Variants in HS6ST3 observed in about 807,000 individuals in gnomAD.
The protein encoded by HS6ST3 is heparan-sulfate 6-O-sulfotransferase 3.
HS6ST3 carries 12 observed loss-of-function variants against 36.7 expected under a neutral mutation model. The ratio of observed to expected loss-of-function variants is 0.33; its 90% CI spans 0.21 to 0.53. The LOEUF is 0.53. Among genes scored for constraint, HS6ST3 ranks in the 20% least tolerant of loss-of-function variants. The pLI is 0.95. For missense variants in HS6ST3, 584 were observed against 640.9 expected (o/e 0.91, Z 0.96); for synonymous variants, 240 against 257.5 (o/e 0.93, Z 0.65).
At chr13:96,677,770 T>G (rs1418522329) in intron 1 of HS6ST3, among the ~76,000 whole-genome samples, 4 of 152,184 alleles carry the variant, frequency 2.6e-5, no homozygotes, top group Non-Finnish European at 4.4e-5. Flanking sequence ...TCTCTTTCTC[T>G]CCTCTAGAAT....
intron 1 of HS6ST3, among the ~76,000 whole-genome samples, chr13:96,700,212 A>G (rs550872264): frequency 6.6e-6 from 1 of 152,072 alleles, no homozygotes; most frequent in East Asian, 2.0e-4. Context: ...AGGCCCCACA[A>G]TCATGGCGGA....
intron 1 of HS6ST3, among the ~76,000 whole-genome samples, chr13:96,728,969 G>A (rs1876074842): frequency 6.6e-6 from 1 of 152,214 alleles, no homozygotes; most frequent in Non-Finnish European, 1.5e-5. Flanking sequence ...ATCTTTAGGT[G>A]AGTGATATGT....
At chr13:96,370,727 C>A (rs2055285547) in intron 1 of HS6ST3, among the ~76,000 whole-genome samples, 1 of 152,114 alleles carries the variant, frequency 6.6e-6, no homozygotes, top group Non-Finnish European at 1.5e-5. Context: ...GCCTGGCCAA[C>A]ATGGCGAAAC....
Position 96,596,224 on chromosome 13 carries a change from C to T in HS6ST3, c.708-236266C>T, listed in dbSNP as rs189571409. On this transcript the variant is annotated intron_variant, in intron 1 of 1. Coordinates refer to ENST00000376705, the MANE Select transcript of HS6ST3 (RefSeq NM_153456.4). ...TTGGATTTCCATTTCTGAGTTACTT[C>T]ACCTAGGATAATGGCCTCCAGCTCC... 2.9e-3 allele frequency among the ~76,000 whole-genome samples: 448 copies of T among 152,256 alleles called. 3 individuals carry two copies. The highest frequency in any genetic ancestry group is 0.018 in the South Asian group (85 of 4,820).
chr13:96,595,277 C>T (rs2056397383), intron 1 of HS6ST3, among the ~76,000 whole-genome samples: 1 of 152,074 alleles, frequency 6.6e-6, no homozygotes, highest in Admixed American at 6.6e-5. Context: ...AAACTCCTGG[C>T]CTCAAGTAAT....
chr13:96,493,688 T>C (rs1357732127), intron 1 of HS6ST3, among the ~76,000 whole-genome samples: 7 of 152,234 alleles, frequency 4.6e-5, no homozygotes, highest in African/African-American at 1.4e-4. Flanking sequence ...GTTGTAGTAT[T>C]GCTTTGCCAA....
At chr13:96,091,713 G>A in intron 1 of HS6ST3, 144 bp downstream of exon 1, 1 of 1,155,994 alleles carries the variant, frequency 8.7e-7, no homozygotes, top group Admixed American at 2.8e-5. Context: ...CTTTGGGGAG[G>A]GATGAGAAAC....
At chr13:96,603,103 T>A (rs945126196) in intron 1 of HS6ST3, among the ~76,000 whole-genome samples, 6 of 152,182 alleles carry the variant, frequency 3.9e-5, no homozygotes, top group African/African-American at 1.4e-4. Context: ...CATCTTACTC[T>A]GCCATTTTGC....
chr13:96,132,211 T>G (rs1289512093), intron 1 of HS6ST3, among the ~76,000 whole-genome samples: 1 of 151,570 alleles, frequency 6.6e-6, no homozygotes, highest in East Asian at 1.9e-4. Flanking sequence ...TTGATAGACA[T>G]GTGGGTTAAT....
chr13:96,229,050 A>G (rs1019100738), intron 1 of HS6ST3, among the ~76,000 whole-genome samples: 4 of 152,210 alleles, frequency 2.6e-5, no homozygotes, highest in Non-Finnish European at 4.4e-5. Flanking sequence ...TCAAGTTATC[A>G]TAAGGGAGCC....
intron 1 of HS6ST3, among the ~76,000 whole-genome samples, chr13:96,538,050 G>C (rs1355896801): frequency 6.6e-6 from 1 of 152,146 alleles, no homozygotes; most frequent in African/African-American, 2.4e-5. Context: ...ACCTATAATG[G>C]ATGCAAATAA....
Position 96,229,798 on chromosome 13 carries a change from C to G in HS6ST3, c.707+138229C>G, listed in dbSNP as rs532941084. On this transcript the variant is annotated intron_variant, in intron 1 of 1. Coordinates refer to ENST00000376705, the MANE Select transcript of HS6ST3 (RefSeq NM_153456.4). ...AGGGGGAGACCCCCCCCTTTAGGCT[C>G]TTAGTATTACAGAGTGATACATGAT... Among the ~76,000 whole-genome samples the G allele has an allele frequency of 4.6e-5, 7 of 152,156 alleles. 1 individual carries two copies. The highest frequency in any genetic ancestry group is 3.4e-3 in the Middle Eastern group (1 of 294).
At chr13:96,093,915 A>C (rs573643555) in intron 1 of HS6ST3, among the ~76,000 whole-genome samples, 22 of 152,328 alleles carry the variant, frequency 1.4e-4, no homozygotes, top group Admixed American at 6.5e-4. Flanking sequence ...CTATTGGTAC[A>C]TAATGGGAAC....
chr13:96,793,832 A>G (rs2138522166), intron 1 of HS6ST3, among the ~76,000 whole-genome samples: 1 of 152,140 alleles, frequency 6.6e-6, no homozygotes, highest in Middle Eastern at 3.4e-3. Flanking sequence ...GTATACAATC[A>G]ATTCTCAGAA....
chr13:96,410,222 A>G (rs2055500542), intron 1 of HS6ST3, among the ~76,000 whole-genome samples: 1 of 152,180 alleles, frequency 6.6e-6, no homozygotes, highest in South Asian at 2.1e-4. Context: ...ACACTTAGAC[A>G]ATACACATCA....
chr13:96,771,540 G>A (rs774680092), intron 1 of HS6ST3, among the ~76,000 whole-genome samples: 3 of 152,200 alleles, frequency 2.0e-5, no homozygotes, highest in Non-Finnish European at 4.4e-5. Context: ...AATGGCTGAG[G>A]GGGTACAGGA....
At chr13:96,128,383 T>C (rs1194663660) in intron 1 of HS6ST3, among the ~76,000 whole-genome samples, 3 of 152,170 alleles carry the variant, frequency 2.0e-5, no homozygotes, top group Admixed American at 6.5e-5. Flanking sequence ...GCTGCTGACA[T>C]TGAGCTGTGC....
At chr13:96,254,506 C>T (rs9584348) in intron 1 of HS6ST3, among the ~76,000 whole-genome samples, 12 of 20,300 alleles carry the variant, frequency 5.9e-4, no homozygotes, top group Admixed American at 2.7e-3. Context: ...TATACACATA[C>T]ATACACACAC....
intron 1 of HS6ST3, among the ~76,000 whole-genome samples, chr13:96,193,281 C>T (rs1334552782): frequency 6.6e-6 from 1 of 152,150 alleles, no homozygotes; most frequent in Non-Finnish European, 1.5e-5. Context: ...CTTCTCAAAG[C>T]CGAACGAAAT....
Sources: allele counts gnomAD v4.1 joint callset (sites outside exome capture counted in the v4.1 genomes callset), GRCh38; gene constraint gnomAD v4.1.1; transcripts MANE v1.5; gene names NCBI Gene and HGNC (gene_info 2026-07-23, HGNC 2026-07-21).